NSUN3: variants seen among roughly 807,000 people sequenced by gnomAD.
The protein encoded by NSUN3 is NOP2/Sun RNA methyltransferase 3.
Under a neutral mutation model 36.8 loss-of-function variants are expected in NSUN3, and 24 were observed. That is an observed-to-expected ratio of 0.65 (90% CI 0.47 to 0.92). The LOEUF (loss-of-function observed/expected upper bound fraction) is 0.92, where lower values mean the gene tolerates loss of function less well. Among genes scored for constraint, NSUN3 ranks in the 40% least tolerant of loss-of-function variants. The pLI is 0.00. For synonymous variants in NSUN3, 146 were observed against 145.2 expected, an observed-to-expected ratio of 1.01 and a Z score of -0.04; for missense variants, 381 against 392.8, an observed-to-expected ratio of 0.97 and a Z score of 0.25.
intron 2 of NSUN3, among the ~76,000 whole-genome samples, chr3:94,079,353 C>T (rs959560839): frequency 5.9e-5 from 9 of 152,208 alleles, no homozygotes; most frequent in African/African-American, 2.2e-4. Flanking sequence ...CTCTGGCTGC[C>T]CTTAACATTT....
chr3:94,091,728 AAG>A (rs1480301417), intron 3 of NSUN3, among the ~76,000 whole-genome samples: 3 of 152,230 alleles, frequency 2.0e-5, no homozygotes, highest in Non-Finnish European at 4.4e-5. Context: ...AAACTAGAAA[AAG>A]AGGAAAGTTG....
At chr3:94,126,100 A>G in intron 5 of NSUN3, 111 bp from the exon 6 acceptor site, 2 of 795,518 alleles carry the variant, frequency 2.5e-6, no homozygotes, top group Non-Finnish European at 3.9e-6. Context: ...AAGTAATTGC[A>G]GTCTAAGTCA....
chr3:94,090,462 C>T (rs1434206433), intron 3 of NSUN3, among the ~76,000 whole-genome samples: 1 of 152,010 alleles, frequency 6.6e-6, no homozygotes, highest in African/African-American at 2.4e-5. Context: ...GATCTTCAGT[C>T]GTAATAATTT....
At chr3:94,085,976 CTG>C (rs1472620196) in intron 3 of NSUN3, among the ~76,000 whole-genome samples, 3 of 149,952 alleles carry the variant, frequency 2.0e-5, no homozygotes, top group Non-Finnish European at 3.0e-5. Context: ...TGGAGTCTCG[CTG>C]TGTCTCCCAG....
rs184896537 is a variant in NSUN3, at chr3:94,072,797, T to A, written c.122+8251T>A. Among the ~76,000 whole-genome samples the A allele has an allele frequency of 5.0e-3, 768 of 152,114 alleles. 6 individuals carry two copies. Among genetic ancestry groups the A allele is most frequent in the African/African-American group, 0.018 (736 of 41,488 alleles). Reference sequence around the variant, plus strand: ...AGTTCTGCCTCAGTCTGCAATAAGTTCTTCTCTTTTTTTTTTATTATTATA... The same window carrying A: ...AGTTCTGCCTCAGTCTGCAATAAGTACTTCTCTTTTTTTTTTATTATTATA... On this transcript the variant is annotated intron_variant, in intron 2 of 5. Coordinates refer to ENST00000314622, the MANE Select transcript of NSUN3 (RefSeq NM_022072.5).
chr3:94,098,099 A>G (rs554914734), intron 5 of NSUN3, among the ~76,000 whole-genome samples: 1 of 152,190 alleles, frequency 6.6e-6, no homozygotes, highest in African/African-American at 2.4e-5. Context: ...AATTCCACCA[A>G]CCTGCCTCTT....
intron 2 of NSUN3, chr3:94,076,425 GT>G (rs1484758754): frequency 3.8e-6 from 3 of 795,864 alleles, no homozygotes; most frequent in Non-Finnish European, 6.9e-6. Flanking sequence ...CAAATCATAA[GT>G]TTCTGATGAT....
intron 2 of NSUN3, chr3:94,077,142 T>C: frequency 1.4e-6 from 1 of 739,414 alleles, no homozygotes; most frequent in East Asian, 2.6e-5. Context: ...ATTCTTCCAC[T>C]GCGTCATCAA....
At chr3:94,069,392 A>G (rs2077216715) in intron 2 of NSUN3, among the ~76,000 whole-genome samples, 2 of 152,210 alleles carry the variant, frequency 1.3e-5, no homozygotes, top group Non-Finnish European at 2.9e-5. Flanking sequence ...TTTCATTTCT[A>G]ACTTTTAAAA....
chr3:94,124,640 C>A (rs1291573969), intron 5 of NSUN3, among the ~76,000 whole-genome samples: 1 of 152,120 alleles, frequency 6.6e-6, no homozygotes, highest in African/African-American at 2.4e-5. Context: ...TAATGAACTA[C>A]TTTTAACTTA....
rs766648224 is a variant in NSUN3, at chr3:94,126,321, A to G, written c.854A>G (p.Asn285Ser). 7 of 1,614,162 alleles carry G rather than the reference A, an allele frequency of 4.3e-6. No homozygotes were observed. The highest frequency in any genetic ancestry group is 3.4e-6 in the Non-Finnish European group (4 of 1,180,028). ...AGTGAAATTTTAAACTCCCACGGTA[A>G]CATCATGCCTATGGACATTAAAGGA... ...VISEILNSHG[N>S]IMPMDIKGIA... Residue 285 changes from asparagine (N) to serine (S), a missense_variant, in exon 6 of 6, where the codon AAC becomes AGC. By Grantham distance (46) the Asn-to-Ser change is conservative. Transcript: ENST00000314622.
intron 2 of NSUN3, among the ~76,000 whole-genome samples, chr3:94,079,754 C>T (rs949038525): frequency 1.4e-4 from 22 of 152,012 alleles, no homozygotes; most frequent in African/African-American, 5.1e-4. Flanking sequence ...ACGAAGTTCT[C>T]GTGCTGTGTT....
At chr3:94,105,476 G>T (rs1456387623) in intron 5 of NSUN3, among the ~76,000 whole-genome samples, 2 of 152,040 alleles carry the variant, frequency 1.3e-5, no homozygotes, top group Admixed American at 1.3e-4. Context: ...TTTTAGTCTG[G>T]CTACTGCAGG....
intron 3 of NSUN3, among the ~76,000 whole-genome samples, chr3:94,090,403 C>T (rs559298249): frequency 6.6e-6 from 1 of 152,228 alleles, no homozygotes; most frequent in Non-Finnish European, 1.5e-5. Context: ...AAAATGCTGA[C>T]TTGAGAATCT....
chr3:94,080,268 C>T (rs1253504700), intron 2 of NSUN3, among the ~76,000 whole-genome samples: 1 of 152,300 alleles, frequency 6.6e-6, no homozygotes, highest in Non-Finnish European at 1.5e-5. Context: ...AAGATTGTTG[C>T]GTGTTCTGTC....
At chr3:94,090,787 A>G (rs370099603) in intron 3 of NSUN3, among the ~76,000 whole-genome samples, 2 of 152,314 alleles carry the variant, frequency 1.3e-5, no homozygotes, top group East Asian at 1.9e-4. Context: ...TTTTGACCTA[A>G]GAACATTTTC....
chr3:94,113,918 C>G (rs1322396425), intron 5 of NSUN3, among the ~76,000 whole-genome samples: 1 of 152,136 alleles, frequency 6.6e-6, no homozygotes, highest in Admixed American at 6.5e-5. Flanking sequence ...ATTTAAATGC[C>G]AATCTGTGAT....
At chr3:94,074,160 A>G (rs1183871753) in intron 2 of NSUN3, among the ~76,000 whole-genome samples, 1 of 152,054 alleles carries the variant, frequency 6.6e-6, no homozygotes, top group Non-Finnish European at 1.5e-5. Context: ...TTGGTTGTAT[A>G]TATCTGTTTT....
chr3:94,115,979 T>G (rs76027979), intron 5 of NSUN3, among the ~76,000 whole-genome samples: 2,103 of 152,346 alleles, frequency 0.014, 48 homozygotes, highest in African/African-American at 0.047. Context: ...TTGGAACTTT[T>G]ATAACTGTCA....
Sources: gnomAD v4.1 joint callset for allele counts (sites outside exome capture counted in the v4.1 genomes callset) on GRCh38, gnomAD v4.1.1 for gene constraint, MANE v1.5 for transcripts, NCBI Gene and HGNC (gene_info 2026-07-23, HGNC 2026-07-21) for gene names.